Variants in PPP1R3B observed in about 807,000 individuals in gnomAD.
PPP1R3B encodes the protein protein phosphatase 1 regulatory subunit 3B.
A neutral mutation model predicts 14.6 loss-of-function variants in PPP1R3B; 8 were observed. That is an observed-to-expected ratio of 0.55 (90% CI 0.32 to 0.99). The LOEUF (loss-of-function observed/expected upper bound fraction) is 0.99, where lower values mean the gene tolerates loss of function less well. PPP1R3B is among the 50% of genes least tolerant of loss of function. The pLI is 0.04. For synonymous variants in PPP1R3B, 169 were observed against 142.0 expected, an observed-to-expected ratio of 1.19 and a Z score of -1.35; for missense variants, 452 against 360.1, an observed-to-expected ratio of 1.26 and a Z score of -2.07.
intron 1 of PPP1R3B, among the ~76,000 whole-genome samples, chr8:9,142,645 C>A (rs1290514688): frequency 6.6e-6 from 1 of 152,060 alleles, no homozygotes; most frequent in South Asian, 2.1e-4. Context: ...ATTTTGTATC[C>A]TTTGGCCAAA....
At chr8:9,150,187 T>G (rs1801376040) in intron 1 of PPP1R3B, among the ~76,000 whole-genome samples, 1 of 152,120 alleles carries the variant, frequency 6.6e-6, no homozygotes, top group African/African-American at 2.4e-5. Flanking sequence ...AAGCTCTAAT[T>G]GTCTCTTCTG....
intron 1 of PPP1R3B, among the ~76,000 whole-genome samples, chr8:9,143,438 C>T (rs1349274437): frequency 1.3e-5 from 2 of 152,196 alleles, no homozygotes; most frequent in Admixed American, 1.3e-4. Context: ...GGCGGTGGCT[C>T]ACGCCTGTAA....
rs755466727 is a variant in PPP1R3B at position 9,141,172 on chromosome 8, C to T, written c.480G>A (p.Val160=). The change falls in exon 2 of 2, where the codon GTG becomes GTA. Residue 160 remains valine, a synonymous_variant. Coordinates refer to ENST00000310455, the MANE Select transcript of PPP1R3B (RefSeq NM_024607.4). The part of the protein sequence containing the change: ...KVQNLAFEKT[V]KIRMTFDTWK... ...AGGTGTCGAACGTCATCCTTATTTT[C>T]ACGGTCTTCTCAAATGCGAGGTTCT... The T allele has an allele frequency of 1.9e-6, 3 of 1,614,200 alleles. No homozygotes were observed. The South Asian group carries it at 3.3e-5, about 18-fold the overall frequency.
intron 1 of PPP1R3B, among the ~76,000 whole-genome samples, chr8:9,150,242 A>C (rs2128974574): frequency 6.6e-6 from 1 of 152,204 alleles, no homozygotes; most frequent in East Asian, 1.9e-4. Context: ...CTCAGACCAC[A>C]GGTTCCAACA....
rs1800908392 is a variant in PPP1R3B, at chr8:9,136,952, A to G, written c.*3842T>C. Reference sequence around the variant, plus strand: ...TGGCCCATTTAATGTCCATGACTACAACTAATGCCTTTTTTCAAAAAGAAA... The same window carrying G: ...TGGCCCATTTAATGTCCATGACTACGACTAATGCCTTTTTTCAAAAAGAAA... On this transcript the variant is annotated 3_prime_UTR_variant, in exon 2 of 2. Transcript: ENST00000310455. 6.6e-6 allele frequency: 1 copy of G among 152,222 alleles called. No individual in the cohort carries two copies. The highest frequency in any genetic ancestry group is 1.5e-5 in the Non-Finnish European group (1 of 68,036). The allele number at this position is 152,222 out of a possible 1,614,324, so 9.4% of individuals were successfully genotyped here.
chr8:9,143,334 A>G lies in PPP1R3B; in HGVS notation c.-17-1666T>C, dbSNP rs973311269. The stretch of plus-strand genomic sequence containing the variant: ...GCATCAAGCAAGATACTGGGATTCA[A>G]TAGTGAAGATAGACACAAACCTGCT... On this transcript the variant is annotated intron_variant, in intron 1 of 1. Transcript: ENST00000310455. 2.6e-5 allele frequency among the ~76,000 whole-genome samples: 4 copies of G among 152,202 alleles called. No individual in the cohort carries two copies. In the South Asian group the frequency reaches 6.2e-4, roughly 24 times the overall value.
chr8:9,147,038 C>T (rs952281965), intron 1 of PPP1R3B, among the ~76,000 whole-genome samples: 5 of 151,416 alleles, frequency 3.3e-5, no homozygotes, highest in African/African-American at 7.3e-5. Flanking sequence ...GCTGGAGTGC[C>T]GTGGCGCAAT....
intron 1 of PPP1R3B, among the ~76,000 whole-genome samples, chr8:9,148,816 A>G (rs1801320049): frequency 6.6e-6 from 1 of 152,170 alleles, no homozygotes; most frequent in Admixed American, 6.5e-5. Flanking sequence ...TTTCATAGGG[A>G]GGAAATCTTT....
At position 9,141,360 on chromosome 8, in the gene PPP1R3B, T is replaced by C; in HGVS notation, c.292A>G (p.Asn98Asp). 1 of 1,614,210 alleles carries C rather than the reference T, an allele frequency of 6.2e-7. No individual in the cohort carries two copies. The highest frequency in any genetic ancestry group is 8.5e-7 in the Non-Finnish European group (1 of 1,180,032). ...MPFNITELLDNIVSLTTAESE... is the reference protein window; with the variant it reads ...MPFNITELLDDIVSLTTAESE... ...TCTGCTGTCGTCAAGCTCACAATGT[T>C]GTCTAGGAGCTCGGTGATGTTGAAT... Residue 98 changes from asparagine to aspartate, a missense_variant, in exon 2 of 2, where the codon AAC becomes GAC. By Grantham distance (23) the Asn-to-Asp change is conservative (BLOSUM62 1). Coordinates refer to ENST00000310455, the MANE Select transcript of PPP1R3B (RefSeq NM_024607.4).
chr8:9,144,216 C>G (rs1801167685), intron 1 of PPP1R3B, among the ~76,000 whole-genome samples: 2 of 140,020 alleles, frequency 1.4e-5, no homozygotes, highest in South Asian at 4.5e-4. Context: ...GAGACTGGGT[C>G]TTACTCTGTC....
chr8:9,149,117 CG>C (rs1389704402), intron 1 of PPP1R3B, among the ~76,000 whole-genome samples: 1 of 145,900 alleles, frequency 6.9e-6, no homozygotes, highest in Non-Finnish European at 1.5e-5. Context: ...GGCGCGAACC[CG>C]GGAGGCGGAG....
chr8:9,141,174 C>A lies in PPP1R3B; in HGVS notation c.478G>T (p.Val160Leu), dbSNP rs1368674667. 2.5e-6 allele frequency: 4 copies of A among 1,614,094 alleles called. No homozygotes were observed. The highest frequency in any genetic ancestry group is 3.4e-6 in the Non-Finnish European group (4 of 1,180,062). The change falls in exon 2 of 2, where the codon GTG becomes TTG. Residue 160 changes from valine to leucine, a missense_variant. By Grantham distance (32) the Val-to-Leu change is conservative. Coordinates refer to ENST00000310455, the MANE Select transcript of PPP1R3B (RefSeq NM_024607.4). ...GTGTCGAACGTCATCCTTATTTTCA[C>A]GGTCTTCTCAAATGCGAGGTTCTGA... ...KVQNLAFEKT[V>L]KIRMTFDTWK...
In PPP1R3B at chr8:9,141,323, A is replaced by T; in HGVS notation, c.329T>A (p.Phe110Tyr). Residue 110 changes from phenylalanine (F) to tyrosine (Y), a missense_variant, in exon 2 of 2, where the codon TTT becomes TAT. Coordinates refer to ENST00000310455, the MANE Select transcript of PPP1R3B (RefSeq NM_024607.4). The part of the protein sequence containing the change: ...VSLTTAESES[F>Y]VLDFSQPSAD... Reference sequence around the variant, plus strand: ...AGAGGGCTGGGAAAAATCCAGAACAAAGCTCTCGCTCTCTGCTGTCGTCAA... The same window carrying T: ...AGAGGGCTGGGAAAAATCCAGAACATAGCTCTCGCTCTCTGCTGTCGTCAA... The T allele has an allele frequency of 6.2e-7, 1 of 1,614,204 alleles. No homozygotes were observed. The highest frequency in any genetic ancestry group is 8.5e-7 in the Non-Finnish European group (1 of 1,180,048).
In PPP1R3B at chr8:9,148,766, C is replaced by G. The variant is rs548543027; in HGVS notation, c.-18+1797G>C. ...ACAGAAAATAACCCTATGACCTTCA[C>G]GGTTTCAGGCAGCTGAACTACTGAC... On this transcript the variant is annotated intron_variant, in intron 1 of 1. Transcript: ENST00000310455. 1.2e-3 allele frequency among the ~76,000 whole-genome samples: 183 copies of G among 152,358 alleles called. 1 individual carries two copies. Among genetic ancestry groups the G allele is most frequent in the Middle Eastern group, 3.4e-3 (1 of 294 alleles).
At chr8:9,148,916 G>A (rs1801325295) in intron 1 of PPP1R3B, among the ~76,000 whole-genome samples, 1 of 152,186 alleles carries the variant, frequency 6.6e-6, no homozygotes, top group Non-Finnish European at 1.5e-5. Context: ...GGCCGGGCGT[G>A]GTGGCTCACG....
At chr8:9,147,636 T>C (rs1414886692) in intron 1 of PPP1R3B, among the ~76,000 whole-genome samples, 1 of 152,008 alleles carries the variant, frequency 6.6e-6, no homozygotes, top group Non-Finnish European at 1.5e-5. Context: ...TCCCGCAGGC[T>C]GAAGAGACTT....
rs1293970289 is a variant in PPP1R3B, at chr8:9,141,520, A to T, written c.132T>A (p.Asn44Lys). 6.2e-7 allele frequency: 1 copy of T among 1,614,154 alleles called. No homozygotes were observed. The change falls in exon 2 of 2, where the codon AAT becomes AAA. Residue 44 changes from asparagine to lysine, a missense_variant. Physicochemically the swap from Asn to Lys is moderately conservative, Grantham distance 94 (BLOSUM62 0). Coordinates refer to ENST00000310455, the MANE Select transcript of PPP1R3B (RefSeq NM_024607.4). Reference protein sequence around the residue: ...LRPCIQLSSKNEASGMVAPAV... With the variant: ...LRPCIQLSSKKEASGMVAPAV... ...CCGGGGCCACCATTCCACTGGCTTC[A>T]TTCTTGCTGCTCAGCTGAATACAAG...
At position 9,140,860 on chromosome 8, in the gene PPP1R3B, A is replaced by G. The variant is rs1191600722; in HGVS notation, c.792T>C (p.Cys264=). Reference sequence around the variant, plus strand: ...GCCACTCTGGAAACAGACCATAGGAACACCGAGGGCTTCCGAACTGGTCAA... The same window carrying G: ...GCCACTCTGGAAACAGACCATAGGAGCACCGAGGGCTTCCGAACTGGTCAA... ...ISFDQFGSPR[C]SYGLFPEWPS... Residue 264 remains cysteine (C), a synonymous_variant, in exon 2 of 2, where the codon TGT becomes TGC. Coordinates refer to ENST00000310455, the MANE Select transcript of PPP1R3B (RefSeq NM_024607.4). 1.2e-6 allele frequency: 2 copies of G among 1,614,032 alleles called. No homozygotes were observed. Among genetic ancestry groups the G allele is most frequent in the East Asian group, 4.5e-5 (2 of 44,878 alleles).
intron 1 of PPP1R3B, among the ~76,000 whole-genome samples, chr8:9,141,951 G>C (rs892231404): frequency 6.6e-6 from 1 of 152,270 alleles, no homozygotes; most frequent in Non-Finnish European, 1.5e-5. Context: ...TAAATGCACA[G>C]GTTTTTTGGT....
Sources: allele counts gnomAD v4.1 joint callset (sites outside exome capture counted in the v4.1 genomes callset), GRCh38; gene constraint gnomAD v4.1.1; transcripts MANE v1.5; gene names NCBI Gene and HGNC (gene_info 2026-07-23, HGNC 2026-07-21).